The following TP53INP1 variants were observed in gnomAD, a reference collection of about 807,000 sequenced individuals.
The protein encoded by TP53INP1 is tumor protein p53 inducible nuclear protein 1, also known as tumor protein p53-inducible nuclear protein 1.
A neutral mutation model predicts 21.0 loss-of-function variants in TP53INP1; 12 were observed. The ratio of observed to expected loss-of-function variants is 0.57; its 90% CI spans 0.37 to 0.93. TP53INP1 has a LOEUF of 0.93. Ranked by LOEUF, TP53INP1 falls within the 40% of genes least tolerant of loss-of-function variation. The pLI is 0.01. For synonymous variants in TP53INP1, 91 were observed against 94.8 expected (o/e 0.96, Z 0.23); for missense variants, 274 against 294.7 (o/e 0.93, Z 0.51).
intron 3 of TP53INP1, among the ~76,000 whole-genome samples, chr8:94,937,323 C>T (rs1194630003): frequency 1.3e-5 from 2 of 151,908 alleles, no homozygotes; most frequent in African/African-American, 4.8e-5. Flanking sequence ...CGCCTGTAAT[C>T]CCAGCTACTT....
chr8:94,946,721 G>C (rs201485399), intron 1 of TP53INP1, among the ~76,000 whole-genome samples: 5 of 32,742 alleles, frequency 1.5e-4, no homozygotes, highest in Admixed American at 3.3e-4. Context: ...AAAAAAAAAA[G>C]ACAGGCCCTG....
intron 1 of TP53INP1, chr8:94,945,402 A>G (rs1356305509): frequency 6.6e-6 from 1 of 152,230 alleles, no homozygotes; most frequent in Admixed American, 6.5e-5. Context: ...TAACTTCACC[A>G]GTTTCTTTTT....
chr8:94,933,584 G>A (rs920103475), intron 3 of TP53INP1, among the ~76,000 whole-genome samples: 2 of 152,074 alleles, frequency 1.3e-5, no homozygotes, highest in Admixed American at 6.5e-5. Context: ...AATCAACATG[G>A]TGAAACCCTG....
intron 1 of TP53INP1, among the ~76,000 whole-genome samples, chr8:94,948,036 C>T (rs1822168776): frequency 6.6e-6 from 1 of 152,164 alleles, no homozygotes; most frequent in Non-Finnish European, 1.5e-5. Context: ...CATTGTTCCC[C>T]CTTTTCCCAA....
intron 1 of TP53INP1, among the ~76,000 whole-genome samples, chr8:94,943,274 A>G (rs1398565719): frequency 6.6e-6 from 1 of 152,156 alleles, no homozygotes; most frequent in Non-Finnish European, 1.5e-5. Context: ...GGAATGCTTG[A>G]GCCTAGGAGT....
In TP53INP1 at chr8:94,930,327, C is replaced by T; in HGVS notation, c.*152G>A. On this transcript the variant is annotated 3_prime_UTR_variant, in exon 4 of 4. Coordinates refer to ENST00000342697, the MANE Select transcript of TP53INP1 (RefSeq NM_033285.4). The stretch of plus-strand genomic sequence containing the variant: ...ATTATGTGATACACAGCATATAAAT[C>T]TGATTTTCAAGATAGTGTCTAAATA... The T allele has an allele frequency of 9.2e-7, 1 of 1,090,818 alleles. No homozygotes were observed. Among genetic ancestry groups the T allele is most frequent in the Non-Finnish European group, 1.3e-6 (1 of 762,102 alleles). 67.6% of individuals were successfully genotyped at this position (1,090,818 alleles called of 1,614,324 possible).
intron 1 of TP53INP1, among the ~76,000 whole-genome samples, chr8:94,948,836 G>A (rs1390218899): frequency 6.6e-6 from 1 of 152,096 alleles, no homozygotes; most frequent in Non-Finnish European, 1.5e-5. Context: ...GCTCGGGGGA[G>A]GAGGCAGAGA....
In TP53INP1 at chr8:94,930,400, A is replaced by G. The variant is rs1820273908; in HGVS notation, c.*79T>C. 7.1e-6 allele frequency: 11 copies of G among 1,558,200 alleles called. No homozygotes were observed. The highest frequency in any genetic ancestry group is 4.1e-5 in the African/African-American group (3 of 73,378). ...GTTATCAATTGGTTGTAAAGAGACA[A>G]CATTTTCACTGTACATATACACACA... On this transcript the variant is annotated 3_prime_UTR_variant, in exon 4 of 4. Coordinates refer to ENST00000342697, the MANE Select transcript of TP53INP1 (RefSeq NM_033285.4).
At chr8:94,944,103 T>C (rs1821788813) in intron 1 of TP53INP1, among the ~76,000 whole-genome samples, 1 of 152,246 alleles carries the variant, frequency 6.6e-6, no homozygotes, top group South Asian at 2.1e-4. Flanking sequence ...AGGCAGATAT[T>C]GGCCCCACGT....
rs560439953 is a variant in TP53INP1, at chr8:94,929,535, A to T, written c.*944T>A. On this transcript the variant is annotated 3_prime_UTR_variant, in exon 4 of 4. Coordinates refer to ENST00000342697, the MANE Select transcript of TP53INP1 (RefSeq NM_033285.4). ...GCCACTTGGCAGGACAGGCTCCATG[A>T]CAGAGGATTTTTCACTCTGTGGAAA... The T allele has an allele frequency of 6.6e-6, 1 of 152,270 alleles. No individual in the cohort carries two copies. The highest frequency in any genetic ancestry group is 1.9e-4 in the East Asian group (1 of 5,180). The allele number at this position is 152,270 out of a possible 1,614,324, so 9.4% of individuals were successfully genotyped here. A position where few individuals can be genotyped will look rare whatever the true frequency, so the allele number is the denominator to read the frequency against.
In TP53INP1 at chr8:94,934,874, A is replaced by C. The variant is rs139568919; in HGVS notation, c.474-4146T>G. 5.9e-3 allele frequency among the ~76,000 whole-genome samples: 898 copies of C among 152,338 alleles called. 2 individuals are homozygous for C. Among genetic ancestry groups the C allele is most frequent in the Non-Finnish European group, 9.1e-3 (622 of 68,028 alleles). ...TGTAGCACTGAATAAAGTGCCAGTT[A>C]AAGTAACATTCCCCACCCATGACCT... On this transcript the variant is annotated intron_variant, in intron 3 of 3. Coordinates refer to ENST00000342697, the MANE Select transcript of TP53INP1 (RefSeq NM_033285.4).
chr8:94,933,679 T>TG (rs1237158190), intron 3 of TP53INP1, among the ~76,000 whole-genome samples: 4 of 151,692 alleles, frequency 2.6e-5, no homozygotes, highest in African/African-American at 9.7e-5. Flanking sequence ...GCATGAGAAT[T>TG]GCTTGAATCT....
intron 1 of TP53INP1, among the ~76,000 whole-genome samples, chr8:94,946,993 T>TA (rs1255372022): frequency 5.3e-5 from 8 of 152,154 alleles, no homozygotes; most frequent in Middle Eastern, 3.2e-3. Flanking sequence ...ACTTAATAAT[T>TA]AGAGCTACAA....
Position 94,927,314 on chromosome 8 carries a change from G to A in TP53INP1, c.*3165C>T, listed in dbSNP as rs1207161282. 1 of 152,326 alleles carries A rather than the reference G, an allele frequency of 6.6e-6. No individual in the cohort carries two copies. The highest frequency in any genetic ancestry group is 1.9e-4 in the East Asian group (1 of 5,192). 9.4% of individuals were successfully genotyped at this position (152,326 alleles called of 1,614,324 possible). On this transcript the variant is annotated 3_prime_UTR_variant, in exon 4 of 4. Coordinates refer to ENST00000342697, the MANE Select transcript of TP53INP1 (RefSeq NM_033285.4). Reference sequence around the variant, plus strand: ...GAAGAGAAGTAGCAAGGATTTCAATGAAGACATAATGATTACAAACCAGTG... The same window carrying A: ...GAAGAGAAGTAGCAAGGATTTCAATAAAGACATAATGATTACAAACCAGTG...
At chr8:94,932,676 G>A (rs947942448) in intron 3 of TP53INP1, among the ~76,000 whole-genome samples, 1 of 152,102 alleles carries the variant, frequency 6.6e-6, no homozygotes, top group African/African-American at 2.4e-5. Flanking sequence ...GGTGGCGGGC[G>A]CCTGTAGTCC....
At position 94,930,278 on chromosome 8, in the gene TP53INP1, A is replaced by G. The variant is rs1191532025; in HGVS notation, c.*201T>C. On this transcript the variant is annotated 3_prime_UTR_variant, in exon 4 of 4. Transcript: ENST00000342697. ...GAAATAATCTGAAAAAGTGTACAAA[A>G]AAAGTAAATGTTAAAGGCAAGGCAT... 1.6e-6 allele frequency: 1 copy of G among 644,966 alleles called. No individual in the cohort carries two copies. The highest frequency in any genetic ancestry group is 2.5e-6 in the Non-Finnish European group (1 of 396,742). The allele number at this position is 644,966 out of a possible 1,614,324, so 40.0% of individuals were successfully genotyped here. A position where few individuals can be genotyped will look rare whatever the true frequency, so the allele number is the denominator to read the frequency against.
At chr8:94,946,999 T>C (rs1160501373) in intron 1 of TP53INP1, among the ~76,000 whole-genome samples, 2 of 152,204 alleles carry the variant, frequency 1.3e-5, no homozygotes, top group African/African-American at 4.8e-5. Context: ...TAATTAGAGC[T>C]ACAATTTACA....
rs1819961627 is a variant in TP53INP1 at position 94,927,093 on chromosome 8, A to G, written c.*3386T>C. The G allele has an allele frequency of 6.6e-6, 1 of 152,594 alleles. No homozygotes were observed. The highest frequency in any genetic ancestry group is 2.1e-4 in the South Asian group (1 of 4,832). 9.5% of individuals were successfully genotyped at this position (152,594 alleles called of 1,614,324 possible). A position where few individuals can be genotyped will look rare whatever the true frequency, so the allele number is the denominator to read the frequency against. ...GTACAAGGAGCAGTCTCTTGACTCA[A>G]AAAATGAAAACTAATATGTGGAAAC... On this transcript the variant is annotated 3_prime_UTR_variant, in exon 4 of 4. Transcript: ENST00000342697.
intron 1 of TP53INP1, among the ~76,000 whole-genome samples, chr8:94,948,452 G>A (rs1822209609): frequency 1.3e-5 from 2 of 152,248 alleles, no homozygotes; most frequent in Non-Finnish European, 2.9e-5. Context: ...GGGCCAAGGA[G>A]AGCGCTCTTT....
Sources: allele counts gnomAD v4.1 joint callset (sites outside exome capture counted in the v4.1 genomes callset), GRCh38; gene constraint gnomAD v4.1.1; transcripts MANE v1.5; gene names NCBI Gene and HGNC (gene_info 2026-07-23, HGNC 2026-07-21).